Variants in TRPM3 observed in about 807,000 individuals in gnomAD.
The protein encoded by TRPM3 is long transient receptor potential channel 3.
TRPM3 carries 77 observed loss-of-function variants against 181.2 expected under a neutral mutation model. That is an observed-to-expected ratio of 0.42 (90% confidence interval 0.35 to 0.51). The LOEUF (loss-of-function observed/expected upper bound fraction) is 0.51. TRPM3 is among the 20% of genes least tolerant of loss of function. The pLI, the probability that TRPM3 is intolerant of heterozygous loss-of-function variation, is 0.01. For synonymous variants in TRPM3, 745 were observed against 796.4 expected, an observed-to-expected ratio of 0.94 and a Z score of 1.09; for missense variants, 1,759 against 2,196.7, an observed-to-expected ratio of 0.80 and a Z score of 3.98.
chr9:70,788,051 A>G (rs1378645399), intron 6 of TRPM3, among the ~76,000 whole-genome samples: 2 of 142,036 alleles, frequency 1.4e-5, no homozygotes, highest in Admixed American at 1.4e-4. Flanking sequence ...TAGGGTACAT[A>G]TGCACATTGT....
intron 1 of TRPM3, among the ~76,000 whole-genome samples, chr9:71,279,487 T>A (rs987093472): frequency 1.3e-5 from 2 of 152,116 alleles, no homozygotes; most frequent in Non-Finnish European, 2.9e-5. Context: ...AGCAAAAAAA[T>A]GAAACTGTAT....
intron 1 of TRPM3, among the ~76,000 whole-genome samples, chr9:71,335,611 AC>A (rs2090497298): frequency 6.6e-6 from 1 of 152,124 alleles, no homozygotes; most frequent in African/African-American, 2.4e-5. Context: ...AGAAATCAAA[AC>A]TTACCCTAAT....
intron 4 of TRPM3, among the ~76,000 whole-genome samples, chr9:70,844,767 A>G (rs1236973244): frequency 1.3e-5 from 2 of 152,228 alleles, no homozygotes; most frequent in Middle Eastern, 3.2e-3. Flanking sequence ...TATTGAATGC[A>G]TTTTATAAAA....
chr9:70,972,388 G>C (rs2097256280), intron 1 of TRPM3, among the ~76,000 whole-genome samples: 1 of 152,148 alleles, frequency 6.6e-6, no homozygotes, highest in African/African-American at 2.4e-5. Flanking sequence ...AGGCCACATA[G>C]AGTAAGACTC....
chr9:70,633,395 T>A (rs1405722781), intron 12 of TRPM3, among the ~76,000 whole-genome samples: 1 of 152,160 alleles, frequency 6.6e-6, no homozygotes, highest in Non-Finnish European at 1.5e-5. Context: ...TGAGGGTAGA[T>A]CTACTACGAT....
chr9:71,298,214 T>C lies in TRPM3; in HGVS notation c.183+148439A>G, dbSNP rs184716606. Among the ~76,000 whole-genome samples, 6 of 152,320 alleles carry C rather than the reference T, an allele frequency of 3.9e-5. No homozygotes were observed. In the East Asian group the frequency reaches 7.7e-4, roughly 20 times the overall value. On this transcript the variant is annotated intron_variant, in intron 1 of 24. Coordinates refer to the TRPM3 transcript ENST00000357533. ...ATATCAGAGCAGAATATAAGATATATTCGACCTTGTTTGATCTGGAAATCT... is the reference window on the plus strand; with the variant it reads ...ATATCAGAGCAGAATATAAGATATACTCGACCTTGTTTGATCTGGAAATCT...
At chr9:70,675,037 T>C (rs2063725774) in intron 9 of TRPM3, among the ~76,000 whole-genome samples, 1 of 152,134 alleles carries the variant, frequency 6.6e-6, no homozygotes, top group Admixed American at 6.5e-5. Flanking sequence ...TTTTCTAAAG[T>C]CATATAAAAC....
intron 1 of TRPM3, among the ~76,000 whole-genome samples, chr9:70,981,564 C>A (rs1341188643): frequency 1.3e-5 from 2 of 152,232 alleles, no homozygotes; most frequent in East Asian, 1.9e-4. Context: ...GGCTCCATCA[C>A]TTTAGGCACC....
At chr9:70,891,215 T>A (rs534105199) in intron 1 of TRPM3, among the ~76,000 whole-genome samples, 1 of 152,144 alleles carries the variant, frequency 6.6e-6, no homozygotes, top group East Asian at 1.9e-4. Flanking sequence ...TAATTTTATA[T>A]ACAGTGAAGA....
chr9:71,186,784 A>T (rs2077705169), intron 1 of TRPM3, among the ~76,000 whole-genome samples: 1 of 152,074 alleles, frequency 6.6e-6, no homozygotes, highest in Admixed American at 6.6e-5. Context: ...TAAAATCTTC[A>T]AGTTTTTCTT....
At chr9:70,804,643 C>T (rs1257864565) in intron 6 of TRPM3, among the ~76,000 whole-genome samples, 4 of 152,100 alleles carry the variant, frequency 2.6e-5, no homozygotes, top group South Asian at 2.1e-4. Flanking sequence ...ACCTACCTGA[C>T]GTCTGACACT....
chr9:71,102,539 G>A (rs1161276595), intron 1 of TRPM3, among the ~76,000 whole-genome samples: 6 of 152,060 alleles, frequency 3.9e-5, no homozygotes, highest in Non-Finnish European at 5.9e-5. Context: ...CACTCAACAT[G>A]CCATGCTTCT....
intron 1 of TRPM3, among the ~76,000 whole-genome samples, chr9:71,029,818 G>A (rs2057062960): frequency 6.6e-6 from 1 of 152,202 alleles, no homozygotes; most frequent in South Asian, 2.1e-4. Flanking sequence ...CAAATAAACA[G>A]ATAACTGGAA....
intron 9 of TRPM3, among the ~76,000 whole-genome samples, chr9:70,644,397 C>A (rs7867819): frequency 0.87 from 133,089 of 152,134 alleles, 58,353 homozygotes; most frequent in Non-Finnish European, 0.91. Context: ...TCTGCTGGCC[C>A]GGCTGCCCTC....
chr9:71,321,782 T>C (rs2089243505), intron 1 of TRPM3, among the ~76,000 whole-genome samples: 1 of 152,110 alleles, frequency 6.6e-6, no homozygotes, highest in African/African-American at 2.4e-5. Flanking sequence ...ATTCAGCAAA[T>C]ACTTATTGAG....
At chr9:70,652,451 A>G (rs2059717634) in intron 9 of TRPM3, among the ~76,000 whole-genome samples, 1 of 152,152 alleles carries the variant, frequency 6.6e-6, no homozygotes, top group South Asian at 2.1e-4. Flanking sequence ...AAGTGAAGAA[A>G]TAAGGACATC....
At chr9:70,810,093 G>A (rs147107212) in intron 6 of TRPM3, 39 of 534,016 alleles carry the variant, frequency 7.3e-5, no homozygotes, top group Admixed American at 6.2e-4. Context: ...CCATGGGTAC[G>A]CGATCAGGAA....
At chr9:70,889,899 T>G (rs946905907) in intron 1 of TRPM3, among the ~76,000 whole-genome samples, 15 of 149,330 alleles carry the variant, frequency 1.0e-4, no homozygotes, top group Non-Finnish European at 7.4e-5. Context: ...ACAGTATATA[T>G]AGTAAACAAC....
At chr9:71,245,533 C>A (rs1264963689) in intron 1 of TRPM3, among the ~76,000 whole-genome samples, 3 of 151,682 alleles carry the variant, frequency 2.0e-5, no homozygotes, top group African/African-American at 7.3e-5. Flanking sequence ...GCTCTTGAAG[C>A]AAGGTGTAAC....
Sources: gnomAD v4.1 joint callset for allele counts (sites outside exome capture counted in the v4.1 genomes callset) on GRCh38, gnomAD v4.1.1 for gene constraint, MANE v1.5 for transcripts, NCBI Gene and HGNC (gene_info 2026-07-23, HGNC 2026-07-21) for gene names.